DPH6: variants seen among roughly 807,000 people sequenced by gnomAD.
DPH6 encodes the protein diphthine--ammonia ligase.
In DPH6, 33 loss-of-function variants were observed where a neutral mutation model predicts 38.2. That is an observed-to-expected ratio of 0.86 (90% confidence interval 0.65 to 1.15). The LOEUF (loss-of-function observed/expected upper bound fraction) is 1.15, where lower values mean the gene tolerates loss of function less well. DPH6 is among the 50% of genes most tolerant of loss of function. The probability of loss-of-function intolerance (pLI) is 0.00; values close to 1 mark genes in which losing one functional copy is unlikely to be tolerated. For missense variants in DPH6, 325 were observed against 320.0 expected (o/e 1.02, Z -0.12); for synonymous variants, 108 against 103.0 (o/e 1.05, Z -0.30).
chr15:35,371,965 G>A lies in DPH6; in HGVS notation c.*185C>T. On this transcript the variant is annotated 3_prime_UTR_variant, in exon 9 of 9. Coordinates refer to ENST00000256538, the MANE Select transcript of DPH6 (RefSeq NM_080650.4). The stretch of plus-strand genomic sequence containing the variant: ...TTCCAAGAAAGTTGGCACTATTAAT[G>A]AACATGCCGTCGACATTTTCCCAAT... The A allele has an allele frequency of 7.7e-7, 1 of 1,298,688 alleles. No individual in the cohort carries two copies. The highest frequency in any genetic ancestry group is 9.8e-7 in the Non-Finnish European group (1 of 1,019,948). The allele number at this position is 1,298,688 out of a possible 1,614,324, so 80.4% of individuals were successfully genotyped here.
intron 5 of DPH6, among the ~76,000 whole-genome samples, chr15:35,419,296 G>T (rs981086287): frequency 2.0e-5 from 3 of 151,960 alleles, no homozygotes; most frequent in South Asian, 4.2e-4. Context: ...AAGAAGACTG[G>T]TCATATAATC....
the DPH6 span, among the ~76,000 whole-genome samples, chr15:35,199,822 G>A: frequency 1.3e-5 from 2 of 151,856 alleles, no homozygotes; most frequent in Admixed American, 1.3e-4. Context: ...ATAGGAGAGT[G>A]CATATGTAAT....
intron 5 of DPH6, among the ~76,000 whole-genome samples, chr15:35,434,284 C>T (rs571688918): frequency 6.6e-6 from 1 of 152,168 alleles, no homozygotes; most frequent in South Asian, 2.1e-4. Flanking sequence ...ACTATTACAA[C>T]TTTGATGTTG....
chr15:35,292,572 T>A (rs2051987289), intron 3 of DPH6, among the ~76,000 whole-genome samples: 1 of 152,188 alleles, frequency 6.6e-6, no homozygotes, highest in Non-Finnish European at 1.5e-5. Context: ...CTGGCCTTCA[T>A]GACATGGAAG....
At chr15:35,215,859 G>A (rs529469472), downstream of DPH6, among the ~76,000 whole-genome samples, 4 of 152,320 alleles carry the variant, frequency 2.6e-5, no homozygotes, top group East Asian at 7.7e-4. Context: ...GGTTTCACAG[G>A]TGGGACACGG....
At chr15:35,399,761 A>G (rs1293694138) in intron 6 of DPH6, among the ~76,000 whole-genome samples, 1 of 152,222 alleles carries the variant, frequency 6.6e-6, no homozygotes, top group Non-Finnish European at 1.5e-5. Flanking sequence ...AAGGAAAATC[A>G]TTCCCAAAAC....
chr15:35,308,329 G>C (rs757205434), intron 3 of DPH6, among the ~76,000 whole-genome samples: 1 of 152,056 alleles, frequency 6.6e-6, no homozygotes, highest in Admixed American at 6.6e-5. Context: ...ATGTTAATTG[G>C]CTTGATTTAA....
chr15:35,243,617 C>T (rs2051615968), intron 3 of DPH6, among the ~76,000 whole-genome samples: 1 of 150,038 alleles, frequency 6.7e-6, no homozygotes. Flanking sequence ...AGAAGCTCCC[C>T]TACTGAGCAC....
chr15:35,184,010 C>T, the DPH6 span, among the ~76,000 whole-genome samples: 2 of 152,132 alleles, frequency 1.3e-5, no homozygotes, highest in Non-Finnish European at 2.9e-5. Context: ...CCTGCTAGAC[C>T]GTATGTCCAC....
At chr15:35,328,454 C>T (rs949747723), downstream of DPH6, among the ~76,000 whole-genome samples, 4 of 152,016 alleles carry the variant, frequency 2.6e-5, no homozygotes, top group Non-Finnish European at 5.9e-5. Context: ...CTATTTTATT[C>T]TCTGTAATAA....
At chr15:35,233,387 A>G (rs903199618) in intron 3 of DPH6, among the ~76,000 whole-genome samples, 11 of 152,216 alleles carry the variant, frequency 7.2e-5, no homozygotes, top group African/African-American at 2.7e-4. Flanking sequence ...TAAGTGTGGG[A>G]CAAAAGACAA....
chr15:35,331,703 AG>A (rs2052328194), intron 3 of DPH6, among the ~76,000 whole-genome samples: 1 of 152,220 alleles, frequency 6.6e-6, no homozygotes, highest in Non-Finnish European at 1.5e-5. Flanking sequence ...TGGGCAGCCA[AG>A]GATCAATTCT....
the DPH6 span, among the ~76,000 whole-genome samples, chr15:35,171,679 T>C: frequency 6.6e-6 from 1 of 151,910 alleles, no homozygotes; most frequent in African/African-American, 2.4e-5. Context: ...TCCCTATCAG[T>C]AATGCTGGGG....
At chr15:35,490,030 A>G in intron 3 of DPH6, 9 of 985,422 alleles carry the variant, frequency 9.1e-6, no homozygotes, top group Non-Finnish European at 9.6e-6. Context: ...CCAAATGTAA[A>G]GAAAACACCC....
intron 5 of DPH6, among the ~76,000 whole-genome samples, chr15:35,438,922 A>G (rs2053750340): frequency 6.6e-6 from 1 of 152,238 alleles, no homozygotes; most frequent in Admixed American, 6.5e-5. Context: ...GAAGGTTTCT[A>G]AAAATTAATC....
At chr15:35,545,652 T>C (rs886827127) in intron 1 of DPH6, among the ~76,000 whole-genome samples, 1 of 151,994 alleles carries the variant, frequency 6.6e-6, no homozygotes, top group African/African-American at 2.4e-5. Context: ...CGGACCCAGC[T>C]GACCAAAGGA....
At chr15:35,221,942 A>C (rs1013458085) in intron 3 of DPH6, among the ~76,000 whole-genome samples, 2 of 152,192 alleles carry the variant, frequency 1.3e-5, no homozygotes, top group African/African-American at 4.8e-5. Context: ...ATCCTGGTTC[A>C]TGGCTCTTAA....
At chr15:35,196,587 AC>A in the DPH6 span, among the ~76,000 whole-genome samples, 1 of 152,220 alleles carries the variant, frequency 6.6e-6, no homozygotes, top group Admixed American at 6.5e-5. Context: ...TAAACTTGTA[AC>A]AATTTATGAA....
intron 3 of DPH6, among the ~76,000 whole-genome samples, chr15:35,506,063 G>T (rs1427621607): frequency 6.6e-6 from 1 of 152,030 alleles, no homozygotes; most frequent in African/African-American, 2.4e-5. Flanking sequence ...AAAGAGAAAT[G>T]AAACTTTGAT....
Sources: gnomAD v4.1 joint callset for allele counts (sites outside exome capture counted in the v4.1 genomes callset) on GRCh38, gnomAD v4.1.1 for gene constraint, MANE v1.5 for transcripts, NCBI Gene and HGNC (gene_info 2026-07-23, HGNC 2026-07-21) for gene names.